OR3A2: variants seen among roughly 807,000 people sequenced by gnomAD.
OR3A2 encodes olfactory receptor 3A2.
For missense variants in OR3A2, 318 were observed against 392.8 expected (o/e 0.81, Z 1.61); for synonymous variants, 126 against 159.3 (o/e 0.79, Z 1.57).
chr17:3,367,502 G>C (rs1160308780), intron 2 of OR3A2, among the ~76,000 whole-genome samples: 4 of 151,026 alleles, frequency 2.6e-5, no homozygotes, highest in African/African-American at 9.8e-5. Flanking sequence ...TTAGAATAAT[G>C]CTCTCCAACT....
chr17:3,337,379 C>G (rs1201950158), intron 2 of OR3A2, among the ~76,000 whole-genome samples: 1 of 152,114 alleles, frequency 6.6e-6, no homozygotes, highest in Non-Finnish European at 1.5e-5. Flanking sequence ...CACCCATTAA[C>G]TCATCATTTA....
intron 2 of OR3A2, among the ~76,000 whole-genome samples, chr17:3,336,454 G>A (rs1306390879): frequency 6.6e-6 from 1 of 152,108 alleles, no homozygotes; most frequent in Non-Finnish European, 1.5e-5. Context: ...TAAACTTTAT[G>A]TGTAAGAAGT....
At chr17:3,379,652 G>A (rs1076575) in intron 2 of OR3A2, among the ~76,000 whole-genome samples, 12,905 of 152,212 alleles carry the variant, frequency 0.085, 1,064 homozygotes, top group East Asian at 0.48. Context: ...GGAATTAGGA[G>A]GAAGAGCTCT....
chr17:3,351,899 C>A (rs1010847870), intron 2 of OR3A2, among the ~76,000 whole-genome samples: 1 of 151,956 alleles, frequency 6.6e-6, no homozygotes, highest in African/African-American at 2.4e-5. Flanking sequence ...ACTATCTGAT[C>A]TTTGACAAAC....
chr17:3,375,139 C>CTT lies in OR3A2; in HGVS notation c.-179+8663_-179+8664dup, dbSNP rs552615698. 2.9e-3 allele frequency among the ~76,000 whole-genome samples: 84 copies of CTT among 28,722 alleles called. 13 individuals carry two copies. The highest frequency in any genetic ancestry group is 3.5e-3 in the Non-Finnish European group (52 of 14,860). 18.8% of individuals were successfully genotyped at this position (28,722 alleles called of 152,430 possible). A position where few individuals can be genotyped will look rare whatever the true frequency, so the allele number is the denominator to read the frequency against. ...TATCTGGCAATTCAGAGCCTTCTTC[C>CTT]TTTTTTTTTTTTTTTTTTTTTTTTT... On this transcript the variant is annotated intron_variant, in intron 2 of 4. Transcript: ENST00000573491.
chr17:3,371,746 A>ATG (rs2049625838), intron 2 of OR3A2, among the ~76,000 whole-genome samples: 1 of 80,568 alleles, frequency 1.2e-5, no homozygotes. Flanking sequence ...GGGCAGAGGG[A>ATG]CTCCTCACTT....
chr17:3,374,669 G>T (rs76424084), intron 2 of OR3A2, among the ~76,000 whole-genome samples: 1 of 151,930 alleles, frequency 6.6e-6, no homozygotes, highest in African/African-American at 2.4e-5. Flanking sequence ...CTATTTCTCT[G>T]GAGACATTTT....
intron 2 of OR3A2, among the ~76,000 whole-genome samples, chr17:3,345,556 G>C (rs1261859308): frequency 6.6e-6 from 1 of 151,916 alleles, no homozygotes; most frequent in Non-Finnish European, 1.5e-5. Flanking sequence ...CCCATAAAAA[G>C]AAACAATATC....
intron 3 of OR3A2, among the ~76,000 whole-genome samples, chr17:3,308,533 G>C (rs1181348316): frequency 6.6e-6 from 1 of 152,172 alleles, no homozygotes; most frequent in Admixed American, 6.5e-5. Flanking sequence ...TGCAGGGTTA[G>C]AGAGAGGGAA....
chr17:3,311,633 T>G lies in OR3A2; in HGVS notation c.-85+24400A>C. 5.7e-6 allele frequency: 2 copies of G among 347,982 alleles called. No homozygotes were observed. The highest frequency in any genetic ancestry group is 1.4e-4 in the East Asian group (2 of 14,726). The allele number at this position is 347,982 out of a possible 1,614,324, so 21.6% of individuals were successfully genotyped here. On this transcript the variant is annotated intron_variant, in intron 3 of 4. Coordinates refer to the OR3A2 transcript ENST00000573491. This position sits in a 1 kb window ranked among gnomAD's most constrained non-coding sequence, Gnocchi z 4.6. ...TTCATAGGAGTGATCCCCATGATCT[T>G]TATCTCAGTGTCCTATGCCCACGTC...
intron 3 of OR3A2, among the ~76,000 whole-genome samples, chr17:3,333,344 A>G (rs2049254675): frequency 6.6e-6 from 1 of 152,330 alleles, no homozygotes; most frequent in African/African-American, 2.4e-5. Context: ...TATCAAAACA[A>G]TATGTGCACA....
At chr17:3,297,379 AG>A (rs1450325186) in intron 3 of OR3A2, among the ~76,000 whole-genome samples, 1 of 152,176 alleles carries the variant, frequency 6.6e-6, no homozygotes, top group Non-Finnish European at 1.5e-5. Context: ...TCAGGTTGTA[AG>A]GTTTTACACC....
intron 2 of OR3A2, among the ~76,000 whole-genome samples, chr17:3,356,005 T>C (rs1285007273): frequency 6.6e-6 from 1 of 151,348 alleles, no homozygotes; most frequent in Admixed American, 6.6e-5. Flanking sequence ...TGTTTTTTGA[T>C]TTGAGATTAC....
At chr17:3,286,219 T>A (rs998845986), upstream of OR3A2, among the ~76,000 whole-genome samples, 1 of 152,238 alleles carries the variant, frequency 6.6e-6, no homozygotes, top group Non-Finnish European at 1.5e-5. Flanking sequence ...TCCAGCTTCA[T>A]CCATGTCCCT....
intron 2 of OR3A2, among the ~76,000 whole-genome samples, chr17:3,340,816 T>C (rs2049310605): frequency 6.6e-6 from 1 of 152,190 alleles, no homozygotes; most frequent in Non-Finnish European, 1.5e-5. Context: ...TTCCTGGATA[T>C]CCTTGTTAAC....
intron 2 of OR3A2, among the ~76,000 whole-genome samples, chr17:3,376,133 G>A (rs140236178): frequency 5.3e-4 from 80 of 152,348 alleles, no homozygotes; most frequent in Admixed American, 9.1e-4. Context: ...GTTGACCAGG[G>A]TGTTGCAAAC....
chr17:3,319,078 T>A (rs991170735), intron 3 of OR3A2, among the ~76,000 whole-genome samples: 5 of 152,180 alleles, frequency 3.3e-5, no homozygotes, highest in Non-Finnish European at 5.9e-5. Flanking sequence ...TGGTGTACAC[T>A]GGTGAATAAA....
chr17:3,302,082 C>G (rs549199506), intron 3 of OR3A2, among the ~76,000 whole-genome samples: 10 of 152,058 alleles, frequency 6.6e-5, no homozygotes, highest in East Asian at 1.9e-4. Flanking sequence ...CACTGCTCAA[C>G]GAAATAAAAG....
chr17:3,310,783 A>C, intron 3 of OR3A2: 1 of 604,056 alleles, frequency 1.7e-6, no homozygotes, highest in Non-Finnish European at 3.1e-6. Context: ...TCCTTCACCA[A>C]TGCACTGACC....
Sources: allele counts gnomAD v4.1 joint callset (sites outside exome capture counted in the v4.1 genomes callset), GRCh38; gene constraint gnomAD v4.1.1; non-coding constraint Gnocchi (gnomAD v3.1); transcripts MANE v1.5; gene names NCBI Gene and HGNC (gene_info 2026-07-23, HGNC 2026-07-21).